Variants in POPDC3 observed in about 807,000 individuals in gnomAD.
The protein encoded by POPDC3 is popeye domain cAMP effector 3.
Under a neutral mutation model 28.2 loss-of-function variants are expected in POPDC3, and 20 were observed. The ratio of observed to expected loss-of-function variants is 0.71; its 90% confidence interval spans 0.50 to 1.03. The LOEUF is 1.03. Ranked by LOEUF, POPDC3 falls within the 50% of genes least tolerant of loss-of-function variation. The pLI is 0.00. For missense variants in POPDC3, 316 were observed against 345.9 expected, an observed-to-expected ratio of 0.91 and a Z score of 0.69; for synonymous variants, 118 against 124.1, an observed-to-expected ratio of 0.95 and a Z score of 0.33.
Position 105,161,719 on chromosome 6 carries a change from G to A in POPDC3, c.191C>T (p.Ser64Phe), listed in dbSNP as rs1774335829. The change falls in exon 2 of 4, where the codon TCT (serine) becomes TTT (phenylalanine). Residue 64 changes from serine (S) to phenylalanine (F), a missense_variant. Physicochemically the swap from Ser to Phe is radical, Grantham distance 155 (BLOSUM62 -2). Transcript: ENST00000254765. Reference sequence around the variant, plus strand: ...GACATCTACCCAAGCCCAGACAGCAGAACAGAGAAAACCCAACCCCAGCAA... The same window carrying A: ...GACATCTACCCAAGCCCAGACAGCAAAACAGAGAAAACCCAACCCCAGCAA... Reference protein sequence around the residue: ...FSLLGLGFLCSAVWAWVDVCA... With the variant: ...FSLLGLGFLCFAVWAWVDVCA... 1 of 1,614,034 alleles carries A rather than the reference G, an allele frequency of 6.2e-7. No homozygotes were observed. The highest frequency in any genetic ancestry group is 1.7e-5 in the Admixed American group (1 of 60,004).
chr6:105,159,764 G>A lies in POPDC3; in HGVS notation c.541C>T (p.Leu181=), dbSNP rs565947857. 1.2e-6 allele frequency: 2 copies of A among 1,613,746 alleles called. No individual in the cohort carries two copies. The highest frequency in any genetic ancestry group is 1.3e-5 in the African/African-American group (1 of 74,984). Residue 181 remains leucine (L), a synonymous_variant, in exon 3 of 4, where the codon CTG becomes TTG. Transcript: ENST00000254765. The stretch of plus-strand genomic sequence containing the variant: ...AGTGAATCCCACTCAGGAGAATCCA[G>A]GAACTGAAGGGGGAAAATGTAATGC... ...FLHYIFPLQF[L]DSPEWDSLRP... is the part of the protein sequence containing the mutation.
In POPDC3 at chr6:105,158,555, T is replaced by C; in HGVS notation, c.791A>G (p.Asn264Ser). 1 of 1,614,104 alleles carries C rather than the reference T, an allele frequency of 6.2e-7. No individual in the cohort carries two copies. Among genetic ancestry groups the C allele is most frequent in the Non-Finnish European group, 8.5e-7 (1 of 1,179,958 alleles). Residue 264 changes from asparagine to serine, a missense_variant, in exon 4 of 4, where the codon AAC becomes AGC. By Grantham distance (46) the Asn-to-Ser change is conservative. Coordinates refer to ENST00000254765, the MANE Select transcript of POPDC3 (RefSeq NM_022361.5). ...TTCTGGAGTTGACATTTGATAGAAG[T>C]TGGGTAGCCGAATATCATAGTGATA... ...KRYHYDIRLP[N>S]FYQMSTPEIR... is the part of the protein sequence containing the mutation.
At chr6:105,166,444 G>C (rs1268243157) in intron 1 of POPDC3, 2 of 368,110 alleles carry the variant, frequency 5.4e-6, no homozygotes, top group East Asian at 1.6e-4. Context: ...ACAAATCTAA[G>C]AGATAGGAAG....
intron 2 of POPDC3, among the ~76,000 whole-genome samples, chr6:105,161,168 C>T (rs1024110212): frequency 6.6e-6 from 1 of 152,198 alleles, no homozygotes; most frequent in African/African-American, 2.4e-5. Context: ...TATCATATCA[C>T]ATAAACAAAT....
rs1774258755 is a variant in POPDC3, at chr6:105,158,923, A to G, written c.595-172T>C. On this transcript the variant is annotated intron_variant, in intron 3 of 3. Transcript: ENST00000254765. ...TAGAAACTACAAAATTCGTTACTAC[A>G]TACGTAATTTATAATATGAATAATC... The G allele has an allele frequency of 1.4e-5, 7 of 518,182 alleles. No individual in the cohort carries two copies. The East Asian group carries it at 2.0e-4, about 15-fold the overall frequency. 32.1% of individuals were successfully genotyped at this position (518,182 alleles called of 1,614,324 possible).
intron 1 of POPDC3, among the ~76,000 whole-genome samples, chr6:105,172,736 G>A (rs1774604473): frequency 6.7e-6 from 1 of 150,356 alleles, no homozygotes; most frequent in Non-Finnish European, 1.5e-5. Flanking sequence ...GTCCTTTGTA[G>A]GGACATGGAT....
rs746510782 is a variant in POPDC3, at chr6:105,161,802, TA to T, written c.107del (p.Leu36TyrfsTer3). 2 of 1,614,122 alleles carry T rather than the reference TA, an allele frequency of 1.2e-6. No homozygotes were observed. The highest frequency in any genetic ancestry group is 2.2e-5 in the South Asian group (2 of 91,066). ...EGAIYHLASI[L>X]FVVGFMGGSG... ...TGCCACCCATGAAACCTACTACAAATAAAATACTGGCAAGATGATAAATGGC... is the reference window on the plus strand; with the variant it reads ...TGCCACCCATGAAACCTACTACAAATAAATACTGGCAAGATGATAAATGGC... On this transcript the variant is annotated frameshift_variant, in exon 2 of 4. Coordinates refer to ENST00000254765, the MANE Select transcript of POPDC3 (RefSeq NM_022361.5). LOFTEE classifies it high-confidence loss of function.
At chr6:105,174,538 C>T (rs183381842) in intron 1 of POPDC3, among the ~76,000 whole-genome samples, 72 of 152,280 alleles carry the variant, frequency 4.7e-4, no homozygotes, top group Middle Eastern at 6.8e-3. Flanking sequence ...TGAAAACACA[C>T]GTTTGACTTA....
intron 1 of POPDC3, among the ~76,000 whole-genome samples, chr6:105,173,397 AC>A (rs1004863210): frequency 6.6e-6 from 1 of 152,228 alleles, no homozygotes; most frequent in African/African-American, 2.4e-5. Flanking sequence ...TTATAATGTA[AC>A]ATGTGTTTGG....
chr6:105,159,861 G>A (rs750080343), intron 2 of POPDC3, 42 bp from the exon 3 acceptor site: 4 of 1,394,028 alleles, frequency 2.9e-6, no homozygotes, highest in South Asian at 2.3e-5. Context: ...GAAGGAGAAA[G>A]AGAGCACATA....
intron 1 of POPDC3, among the ~76,000 whole-genome samples, chr6:105,170,951 G>C (rs762775221): frequency 3.3e-5 from 5 of 152,192 alleles, no homozygotes; most frequent in South Asian, 2.1e-4. Context: ...GTGAGTTATG[G>C]TGAAGCGGTG....
At chr6:105,159,490 C>G (rs901978842) in intron 3 of POPDC3, among the ~76,000 whole-genome samples, 2 of 152,202 alleles carry the variant, frequency 1.3e-5, no homozygotes, top group African/African-American at 4.8e-5. Flanking sequence ...CAGCCTCCTT[C>G]CTGTCATATG....
At chr6:105,176,563 CG>C (rs35888838) in intron 1 of POPDC3, among the ~76,000 whole-genome samples, 108,084 of 151,452 alleles carry the variant, frequency 0.71, 42,163 homozygotes, top group East Asian at 0.88. Context: ...TTTGACATAT[CG>C]TTTTTTTTTT....
At position 105,159,703 on chromosome 6, in the gene POPDC3, TC is replaced by T. The variant is rs971138337; in HGVS notation, c.594+7del. 1 of 1,511,580 alleles carries T rather than the reference TC, an allele frequency of 6.6e-7. No homozygotes were observed. Among genetic ancestry groups the T allele is most frequent in the African/African-American group, 1.4e-5 (1 of 72,756 alleles). 93.6% of individuals were successfully genotyped at this position (1,511,580 alleles called of 1,614,324 possible). ...GGAGTGCTAACTGTGTGTTCTGGTA[TC>T]CCTTACCTGAAAAATGCCTTCCTCT... On this transcript the variant is annotated splice_region_variant and intron_variant, in intron 3 of 3. Coordinates refer to ENST00000254765, the MANE Select transcript of POPDC3 (RefSeq NM_022361.5).
chr6:105,167,308 G>C (rs1774477422), intron 1 of POPDC3, among the ~76,000 whole-genome samples: 1 of 152,152 alleles, frequency 6.6e-6, no homozygotes, highest in Non-Finnish European at 1.5e-5. Flanking sequence ...TACAGCAGAG[G>C]ATAAGGGGTA....
chr6:105,158,675 T>A lies in POPDC3; in HGVS notation c.671A>T (p.His224Leu), dbSNP rs1390221628. ...TGAAAAAAGGCGGGAGATGTAGCGA[T>A]GCTGAGCAAAGAGCAGATATAATTT... is the stretch of plus-strand genomic sequence containing the variant. Reference protein sequence around the residue: ...RKKLYLLFAQHRYISRLFSVL... With the variant: ...RKKLYLLFAQLRYISRLFSVL... The change falls in exon 4 of 4, where the codon CAT becomes CTT. Residue 224 changes from histidine to leucine, a missense_variant. His to Leu is a moderately conservative substitution (Grantham distance 99, BLOSUM62 -3). Transcript: ENST00000254765. 6.2e-7 allele frequency: 1 copy of A among 1,614,158 alleles called. No homozygotes were observed.
chr6:105,174,299 A>G (rs1774640136), intron 1 of POPDC3, among the ~76,000 whole-genome samples: 1 of 152,210 alleles, frequency 6.6e-6, no homozygotes, highest in Non-Finnish European at 1.5e-5. Context: ...TTGACCTTCC[A>G]AAGTGCTAGA....
At chr6:105,168,626 C>G (rs1190296) in intron 1 of POPDC3, 151,049 of 152,380 alleles carry the variant, frequency 0.99, 74,882 homozygotes, top group East Asian at 1. Flanking sequence ...CCCTCTCCTT[C>G]AGTGTGGGCA....
At chr6:105,176,643 G>A (rs756837124) in intron 1 of POPDC3, among the ~76,000 whole-genome samples, 32 of 151,966 alleles carry the variant, frequency 2.1e-4, no homozygotes, top group Non-Finnish European at 4.1e-4. Flanking sequence ...TGCAAGCTCC[G>A]CCTCCCAGGT....
Sources: gnomAD v4.1 joint callset for allele counts (sites outside exome capture counted in the v4.1 genomes callset) on GRCh38, gnomAD v4.1.1 for gene constraint, MANE v1.5 for transcripts, NCBI Gene and HGNC (gene_info 2026-07-23, HGNC 2026-07-21) for gene names.